Variants in SHC4 observed in about 807,000 individuals in gnomAD.
SHC4 encodes SHC-transforming protein 4.
A neutral mutation model predicts 69.4 loss-of-function variants in SHC4; 41 were observed. That is an observed-to-expected ratio of 0.59 (90% CI 0.46 to 0.77). The LOEUF is 0.77. SHC4 is among the 30% of genes least tolerant of loss of function. The probability of loss-of-function intolerance (pLI) is 0.00; values close to 1 mark genes in which losing one functional copy is unlikely to be tolerated. For missense variants in SHC4, 777 were observed against 783.8 expected (o/e 0.99, Z 0.10); for synonymous variants, 318 against 299.3 (o/e 1.06, Z -0.64).
intron 6 of SHC4, among the ~76,000 whole-genome samples, chr15:48,860,215 A>G (rs1240421309): frequency 2.0e-5 from 3 of 152,290 alleles, no homozygotes; most frequent in East Asian, 1.9e-4. Flanking sequence ...TCCCAGTCCA[A>G]TTAAAAATGA....
chr15:48,846,160 G>A (rs1195118227), intron 9 of SHC4, among the ~76,000 whole-genome samples: 1 of 152,122 alleles, frequency 6.6e-6, no homozygotes, highest in Non-Finnish European at 1.5e-5. Flanking sequence ...TACCGGGCCT[G>A]GCTAGAAGTC....
rs1595747461 is a variant in SHC4 at position 48,891,700 on chromosome 15, T to TCA, written c.657-891_657-890dup. Among the ~76,000 whole-genome samples, 2 of 152,190 alleles carry TCA rather than the reference T, an allele frequency of 1.3e-5. 1 individual carries two copies. The highest frequency in any genetic ancestry group is 4.1e-4 in the South Asian group (2 of 4,832). ...GTTTAAATTAATAAACTATATTCTC[T>TCA]CACACACACACCAATACACATACAC... On this transcript the variant is annotated intron_variant, in intron 2 of 11. Transcript: ENST00000332408.
At position 48,918,735 on chromosome 15, in the gene SHC4, C is replaced by T. The variant is rs1033255152; in HGVS notation, c.656+6144G>A. Among the ~76,000 whole-genome samples, 7 of 152,114 alleles carry T rather than the reference C, an allele frequency of 4.6e-5. No individual in the cohort carries two copies. The South Asian group carries it at 6.2e-4, about 13-fold the overall frequency. On this transcript the variant is annotated intron_variant, in intron 2 of 11. Transcript: ENST00000332408. ...GAAAGTAATTTATTTCCATACAAAA[C>T]GTTATTTGAAACACCAAGGAATTCA...
Position 48,837,273 on chromosome 15 carries a change from G to A in SHC4, c.1484-2251C>T, listed in dbSNP as rs139385212. ...TAACAGTTTCCCAAATTAGCAGAAG[G>A]ACAAGATACTCCGCTGGGAGATTTC... On this transcript the variant is annotated intron_variant, in intron 10 of 11. Coordinates refer to ENST00000332408, the MANE Select transcript of SHC4 (RefSeq NM_203349.4). Among the ~76,000 whole-genome samples the A allele has an allele frequency of 2.5e-3, 375 of 152,242 alleles. 1 individual carries two copies. The highest frequency in any genetic ancestry group is 8.7e-3 in the African/African-American group (360 of 41,522).
intron 2 of SHC4, among the ~76,000 whole-genome samples, chr15:48,912,722 C>T (rs947393981): frequency 3.9e-5 from 6 of 152,138 alleles, no homozygotes; most frequent in African/African-American, 7.2e-5. Flanking sequence ...GGGTAGGCTC[C>T]GTCAGAGGGA....
intron 4 of SHC4, chr15:48,876,685 G>A (rs1311907304): frequency 3.3e-6 from 2 of 612,960 alleles, no homozygotes; most frequent in Non-Finnish European, 5.9e-6. Context: ...ATTTAGGCTG[G>A]GAGGCTAGGC....
chr15:48,907,424 T>TC (rs1900424375), intron 2 of SHC4, among the ~76,000 whole-genome samples: 1 of 152,094 alleles, frequency 6.6e-6, no homozygotes, highest in East Asian at 1.9e-4. Flanking sequence ...TGTTTTTTTT[T>TC]CCATAAGTTA....
In SHC4 at chr15:48,856,021, G is replaced by C. The variant is rs141764667; in HGVS notation, c.1174C>G (p.Arg392Gly). The change falls in exon 8 of 12, where the codon CGG becomes GGG. Residue 392 changes from arginine (R) to glycine (G), a missense_variant. Transcript: ENST00000332408. ...QPPVGGVSDM[R>G]IKVQATEQMA... Reference sequence around the variant, plus strand: ...TGTTCCGTGGCTTGAACTTTGATCCGCATATCTGAAACACCACCTACTGGT... The same window carrying C: ...TGTTCCGTGGCTTGAACTTTGATCCCCATATCTGAAACACCACCTACTGGT... 6.2e-6 allele frequency: 10 copies of C among 1,613,624 alleles called. No individual in the cohort carries two copies. The highest frequency in any genetic ancestry group is 8.5e-6 in the Non-Finnish European group (10 of 1,179,834).
intron 4 of SHC4, 53 bp downstream of exon 4, chr15:48,884,195 G>T: frequency 6.6e-7 from 1 of 1,525,906 alleles, no homozygotes; most frequent in East Asian, 2.4e-5. Context: ...TTATCCCCAC[G>T]CTTCTCTGAA....
intron 2 of SHC4, among the ~76,000 whole-genome samples, chr15:48,922,799 G>C (rs1353392410): frequency 6.6e-6 from 1 of 152,162 alleles, no homozygotes; most frequent in Admixed American, 6.5e-5. Flanking sequence ...AATGTCTCAA[G>C]ATTAAGAATC....
chr15:48,898,111 C>T (rs940873541), intron 2 of SHC4, among the ~76,000 whole-genome samples: 5 of 152,134 alleles, frequency 3.3e-5, no homozygotes, highest in Non-Finnish European at 7.4e-5. Context: ...TCTAGGGAAA[C>T]CAGTACCATC....
At chr15:48,846,670 C>T (rs369229870) in intron 9 of SHC4, among the ~76,000 whole-genome samples, 1 of 152,160 alleles carries the variant, frequency 6.6e-6, no homozygotes, top group Non-Finnish European at 1.5e-5. Context: ...AAGACTAGAA[C>T]GCATCCAATT....
chr15:48,940,660 A>G lies in SHC4; in HGVS notation c.586-15711T>C, dbSNP rs146104097. On this transcript the variant is annotated intron_variant, in intron 1 of 11. Transcript: ENST00000332408. ...GTATGATGGTGGTTTCAATCTCCCC[A>G]GCGCTCTAGGACTTTGCATGTTCAA... Among the ~76,000 whole-genome samples, 1,236 of 152,284 alleles carry G rather than the reference A, an allele frequency of 8.1e-3. 7 individuals are homozygous for G. The highest frequency in any genetic ancestry group is 0.014 in the Non-Finnish European group (947 of 68,010).
At chr15:48,918,306 C>T (rs1027162018) in intron 2 of SHC4, among the ~76,000 whole-genome samples, 2 of 152,012 alleles carry the variant, frequency 1.3e-5, no homozygotes, top group African/African-American at 4.8e-5. Context: ...AGTGTGGTGT[C>T]CATAGGACAT....
At chr15:48,946,440 GTCCTTCCTCA>G (rs1160486142) in intron 1 of SHC4, 1 of 418,152 alleles carries the variant, frequency 2.4e-6, no homozygotes, top group Non-Finnish European at 3.2e-6. Context: ...CAATGCCCAC[GTCCTTCCTCA>G]TCCTTCCTCT....
intron 1 of SHC4, 32 bp from the exon 2 acceptor site, chr15:48,924,981 G>T: frequency 1.2e-6 from 2 of 1,610,974 alleles, no homozygotes; most frequent in South Asian, 1.1e-5. Context: ...GAAGAAGTAG[G>T]ACAAAAATTC....
At chr15:48,890,059 A>C (rs1030463943) in intron 3 of SHC4, among the ~76,000 whole-genome samples, 4 of 152,254 alleles carry the variant, frequency 2.6e-5, no homozygotes, top group African/African-American at 9.6e-5. Context: ...GATAGTATGT[A>C]GACATCACTT....
intron 2 of SHC4, among the ~76,000 whole-genome samples, chr15:48,907,177 C>A (rs1286356959): frequency 6.6e-6 from 1 of 151,388 alleles, no homozygotes; most frequent in African/African-American, 2.4e-5. Context: ...ATTGACCTTA[C>A]CAATGATAAC....
chr15:48,917,925 C>A (rs1900659418), intron 2 of SHC4, among the ~76,000 whole-genome samples: 1 of 152,196 alleles, frequency 6.6e-6, no homozygotes, highest in Non-Finnish European at 1.5e-5. Flanking sequence ...ATGGCTCCTC[C>A]TTTATTACCA....
Sources: gnomAD v4.1 joint callset for allele counts (sites outside exome capture counted in the v4.1 genomes callset) on GRCh38, gnomAD v4.1.1 for gene constraint, MANE v1.5 for transcripts, NCBI Gene and HGNC (gene_info 2026-07-23, HGNC 2026-07-21) for gene names.